Variants in HAUS7 observed in about 807,000 individuals in gnomAD.
HAUS7 encodes HAUS augmin like complex subunit 7, also known as HAUS augmin-like complex subunit 7.
Under a neutral mutation model 28.4 loss-of-function variants are expected in HAUS7, and 3 were observed. The ratio of observed to expected loss-of-function variants is 0.11; its 90% CI spans 0.05 to 0.27. The LOEUF (loss-of-function observed/expected upper bound fraction) is 0.27, where lower values mean the gene tolerates loss of function less well. Ranked by LOEUF, HAUS7 falls within the 10% of genes least tolerant of loss-of-function variation. HAUS7 has a pLI of 1.00. For missense variants in HAUS7, 284 were observed against 297.3 expected (o/e 0.96, Z 0.33); for synonymous variants, 165 against 132.1 (o/e 1.25, Z -1.71).
chrX:153,466,593 A>G (rs1403236310), intron 2 of HAUS7, among the ~76,000 whole-genome samples: 1 of 112,089 alleles, frequency 8.9e-6, no homozygotes, highest in East Asian at 2.8e-4. Context: ...GGTCACGTAC[A>G]AAGAAAGGCA....
chrX:153,485,118 G>A (rs1253500424), intron 1 of HAUS7, among the ~76,000 whole-genome samples: 1 of 112,236 alleles, frequency 8.9e-6, no homozygotes, highest in Non-Finnish European at 1.9e-5. Context: ...AGCGACCGGG[G>A]GCTCCCAGCT....
intron 1 of HAUS7, chrX:153,495,333 GC>G (rs2089704112): frequency 8.9e-6 from 1 of 111,820 alleles, no homozygotes; most frequent in Admixed American, 9.4e-5. Context: ...CGCCCTCCAG[GC>G]ACCTTTCCCT....
At position 153,470,394 on chromosome X, in the gene HAUS7, C is replaced by T. The variant is rs2089506105; in HGVS notation, c.108+56G>A. 8 of 1,157,999 alleles carry T rather than the reference C, an allele frequency of 6.9e-6. No individual in the cohort carries two copies. The African/African-American group carries it at 7.1e-5, about 10-fold the overall frequency. ...TTCCGCAGCAAGCCCTCCCGGGCCT[C>T]GGGCGGGGCCCTCCCCGGTCCCCCG... On this transcript the variant is annotated intron_variant, in intron 1 of 9. Transcript: ENST00000370211.
intron 1 of HAUS7, among the ~76,000 whole-genome samples, chrX:153,490,630 C>T (rs1348455429): frequency 8.9e-6 from 1 of 112,784 alleles, no homozygotes; most frequent in African/African-American, 3.2e-5. Flanking sequence ...CCGAGGGTGC[C>T]GACACTGGGA....
At chrX:153,490,032 C>T (rs1316854863) in intron 1 of HAUS7, among the ~76,000 whole-genome samples, 1 of 112,837 alleles carries the variant, frequency 8.9e-6, no homozygotes, top group East Asian at 2.8e-4. Flanking sequence ...AAGATTGCTC[C>T]GAGCTGAAGT....
chrX:153,490,311 C>T (rs782574615), intron 1 of HAUS7, among the ~76,000 whole-genome samples: 3 of 112,935 alleles, frequency 2.7e-5, no homozygotes, highest in Non-Finnish European at 1.9e-5. Flanking sequence ...CCTGGTGGCC[C>T]GGAGGGGAGA....
chrX:153,486,915 G>A, intron 1 of HAUS7: 2 of 700,721 alleles, frequency 2.9e-6, no homozygotes, highest in Non-Finnish European at 1.9e-6. Flanking sequence ...AGGTCTAGAA[G>A]ACCCCACTGC....
intron 1 of HAUS7, chrX:153,479,376 G>A: frequency 1.3e-6 from 1 of 754,515 alleles, no homozygotes; most frequent in Non-Finnish European, 1.6e-6. Context: ...GCCCACCAGG[G>A]GCCCCCGACG....
chrX:153,463,563 G>A, intron 3 of HAUS7, among the ~76,000 whole-genome samples: 1 of 112,610 alleles, frequency 8.9e-6, no homozygotes, highest in Non-Finnish European at 1.9e-5. Flanking sequence ...CCTGTTCCCA[G>A]CACAGTGGGC....
upstream of HAUS7, among the ~76,000 whole-genome samples, chrX:153,474,381 A>C (rs972976371): frequency 8.9e-6 from 1 of 111,812 alleles, no homozygotes; most frequent in South Asian, 3.7e-4. Context: ...CAGCGCAGTC[A>C]GCATGGTACC....
At chrX:153,488,142 C>T (rs967057917) in intron 1 of HAUS7, among the ~76,000 whole-genome samples, 4 of 113,135 alleles carry the variant, frequency 3.5e-5, no homozygotes, top group African/African-American at 1.3e-4. Flanking sequence ...CCAAGGAGCG[C>T]ATGGCTCCGT....
In HAUS7 at chrX:153,464,558, C is replaced by T. The variant is rs1208625072; in HGVS notation, c.292+430G>A. On this transcript the variant is annotated intron_variant, in intron 3 of 9. Transcript: ENST00000370211. ...CACCATGAAGATGAAAAGTTAGCCACCAACTTGGGGACTGCAGTTTTGCTC... is the reference window on the plus strand; with the variant it reads ...CACCATGAAGATGAAAAGTTAGCCATCAACTTGGGGACTGCAGTTTTGCTC... 1.6e-4 allele frequency among the ~76,000 whole-genome samples: 18 copies of T among 112,758 alleles called. 1 individual carries two copies. Among genetic ancestry groups the T allele is most frequent in the Non-Finnish European group, 1.9e-5 (1 of 53,335 alleles).
In HAUS7 at chrX:153,469,235, A is replaced by G. The variant is rs1179701864; in HGVS notation, c.135T>C (p.Gly45=). The G allele has an allele frequency of 3.4e-6, 4 of 1,171,270 alleles. No individual in the cohort carries two copies. The highest frequency in any genetic ancestry group is 4.7e-6 in the Non-Finnish European group (4 of 860,171). The change falls in exon 2 of 10, where the codon GGT becomes GGC. Residue 45 remains glycine, a synonymous_variant. Coordinates refer to ENST00000370211, the MANE Select transcript of HAUS7 (RefSeq NM_001385482.1). ...LKDLNCPFLE[G]LYITEPKTIQ... ...TTGTCTTTGGCTCTGTGATATACAG[A>G]CCCTCGAGGAAGGGGCAGTTTAGGT... is the stretch of plus-strand genomic sequence containing the variant.
intron 1 of HAUS7, chrX:153,486,039 G>A (rs56165949): frequency 0.11 from 106,988 of 970,602 alleles, 4,260 homozygotes; most frequent in Non-Finnish European, 0.12. Flanking sequence ...GCCATCCCAC[G>A]CGGCCTCCTG....
intron 4 of HAUS7, among the ~76,000 whole-genome samples, chrX:153,458,725 C>T (rs1420229106): frequency 9.1e-6 from 1 of 110,313 alleles, no homozygotes; most frequent in Non-Finnish European, 1.9e-5. Flanking sequence ...CAGAAGGGTT[C>T]CAATCTCTCC....
In HAUS7 at chrX:153,455,408, T is replaced by C; in HGVS notation, c.930+134A>G. ...CCAGCAGGGAGCCCAGCCCAGCCCC[T>C]CCCAGCCCCTGGTCCTGCCCTGTGG... On this transcript the variant is annotated intron_variant, in intron 8 of 9. Coordinates refer to ENST00000370211, the MANE Select transcript of HAUS7 (RefSeq NM_001385482.1). 8.4e-6 allele frequency: 4 copies of C among 477,874 alleles called. No individual in the cohort carries two copies. In the South Asian group the frequency reaches 1.3e-4, roughly 15 times the overall value. The allele number at this position is 477,874 out of a possible 1,213,427, so 39.4% of individuals were successfully genotyped here.
At chrX:153,463,241 A>G (rs180733838) in intron 3 of HAUS7, 192 of 286,045 alleles carry the variant, frequency 6.7e-4, no homozygotes, top group African/African-American at 4.6e-3. Context: ...GGCCGATGCC[A>G]GACCTGCCCC....
At chrX:153,493,504 A>G (rs1460309388) in intron 1 of HAUS7, among the ~76,000 whole-genome samples, 1 of 112,250 alleles carries the variant, frequency 8.9e-6, no homozygotes, top group Non-Finnish European at 1.9e-5. Context: ...CTGCCGAAAG[A>G]CAAGCCATCT....
chrX:153,483,414 G>A (rs1248729323), intron 1 of HAUS7: 2 of 754,779 alleles, frequency 2.6e-6, no homozygotes, highest in African/African-American at 4.6e-5. Context: ...CAGGAGCACT[G>A]GCTGGCACCC....
Sources: gnomAD v4.1 joint callset for allele counts (sites outside exome capture counted in the v4.1 genomes callset) on GRCh38, gnomAD v4.1.1 for gene constraint, MANE v1.5 for transcripts, NCBI Gene and HGNC (gene_info 2026-07-23, HGNC 2026-07-21) for gene names.